UNC13C: variants seen among roughly 807,000 people sequenced by gnomAD.
UNC13C encodes unc-13 homolog C.
UNC13C carries 174 observed loss-of-function variants against 245.4 expected under a neutral mutation model. The ratio of observed to expected loss-of-function variants is 0.71; its 90% CI spans 0.63 to 0.80. The LOEUF (loss-of-function observed/expected upper bound fraction) is 0.80. UNC13C is among the 30% of genes least tolerant of loss of function. The pLI is 0.00. For synonymous variants in UNC13C, 992 were observed against 895.1 expected, an observed-to-expected ratio of 1.11 and a Z score of -1.93; for missense variants, 2,829 against 2,602.9, an observed-to-expected ratio of 1.09 and a Z score of -1.89.
Position 54,042,840 on chromosome 15 carries a change from G to T in UNC13C, c.2983+26954G>T, listed in dbSNP as rs375934657. Among the ~76,000 whole-genome samples, 3 of 151,942 alleles carry T rather than the reference G, an allele frequency of 2.0e-5. No individual in the cohort carries two copies. The South Asian group carries it at 6.2e-4, about 32-fold the overall frequency. On this transcript the variant is annotated intron_variant, in intron 2 of 32. Transcript: ENST00000260323. Reference sequence around the variant, plus strand: ...TGCACTCCAGCCTGGGTGACAGAGCGAGACTCTGTCTCAGAAAAGAAAAAG... The same window carrying T: ...TGCACTCCAGCCTGGGTGACAGAGCTAGACTCTGTCTCAGAAAAGAAAAAG...
At chr15:54,097,941 C>T (rs553210955) in intron 2 of UNC13C, among the ~76,000 whole-genome samples, 18 of 152,316 alleles carry the variant, frequency 1.2e-4, no homozygotes, top group African/African-American at 4.1e-4. Context: ...AGAGACATTT[C>T]ATGTATGCGA....
At chr15:54,285,797 G>A (rs928772226) in intron 10 of UNC13C, among the ~76,000 whole-genome samples, 11 of 150,982 alleles carry the variant, frequency 7.3e-5, no homozygotes, top group Admixed American at 3.3e-4. Flanking sequence ...TGATATATAC[G>A]CTTATAGCTT....
At chr15:54,026,425 T>C (rs1406590230) in intron 2 of UNC13C, among the ~76,000 whole-genome samples, 1 of 152,224 alleles carries the variant, frequency 6.6e-6, no homozygotes, top group Non-Finnish European at 1.5e-5. Context: ...TTCTTTCTTC[T>C]AGAAGTTAGA....
chr15:54,098,096 G>C (rs1899967538), intron 2 of UNC13C, among the ~76,000 whole-genome samples: 1 of 152,202 alleles, frequency 6.6e-6, no homozygotes, highest in Non-Finnish European at 1.5e-5. Context: ...AGAGTGGCCA[G>C]GACAGGCCAT....
At chr15:54,459,893 T>A (rs1428259503) in intron 19 of UNC13C, among the ~76,000 whole-genome samples, 2 of 152,230 alleles carry the variant, frequency 1.3e-5, no homozygotes, top group Non-Finnish European at 2.9e-5. Context: ...TTTCTTTATC[T>A]GGTAATTCAG....
intron 10 of UNC13C, among the ~76,000 whole-genome samples, chr15:54,275,093 C>T (rs1019264789): frequency 6.6e-6 from 1 of 152,108 alleles, no homozygotes; most frequent in African/African-American, 2.4e-5. Context: ...CCAATGATCA[C>T]ATTGCATAAA....
the UNC13C span, among the ~76,000 whole-genome samples, chr15:53,971,610 G>T: frequency 1.3e-5 from 2 of 152,138 alleles, no homozygotes; most frequent in Non-Finnish European, 2.9e-5. Flanking sequence ...TGGAATTTCA[G>T]TGTTATAAGA....
At chr15:53,946,970 A>G in the UNC13C span, among the ~76,000 whole-genome samples, 1 of 152,154 alleles carries the variant, frequency 6.6e-6, no homozygotes, top group Non-Finnish European at 1.5e-5. Context: ...AAAGTCATTA[A>G]CACAGAGTCT....
intron 22 of UNC13C, 93 bp from the exon 23 acceptor site, chr15:54,507,024 A>T (rs1894503524): frequency 1.3e-6 from 1 of 752,352 alleles, no homozygotes; most frequent in Non-Finnish European, 2.1e-6. Context: ...AAGATGAAAA[A>T]GACAGCAAGA....
the UNC13C span, among the ~76,000 whole-genome samples, chr15:53,862,240 C>G: frequency 1.3e-5 from 2 of 152,088 alleles, no homozygotes; most frequent in African/African-American, 4.8e-5. Flanking sequence ...TAACCAGATG[C>G]AGACAGACTT....
chr15:53,846,935 G>A, the UNC13C span, among the ~76,000 whole-genome samples: 4 of 152,074 alleles, frequency 2.6e-5, no homozygotes, highest in Non-Finnish European at 4.4e-5. Context: ...TCTGGCTTTG[G>A]AGGAGTCAAG....
rs534739856 is a variant in UNC13C at position 54,627,082 on chromosome 15, C to G, written c.6614C>G (p.Ser2205Cys). The change falls in exon 33 of 33, where the codon TCT becomes TGT. Residue 2205 changes from serine to cysteine, a missense_variant. Transcript: ENST00000260323. ...DVAKEFVRLK[S>C]ETRSTEESA ...GCTAAAGAATTTGTAAGACTTAAAT[C>G]TGAAACAAGATCTACTGAAGAGAGT... 5 of 1,612,270 alleles carry G rather than the reference C, an allele frequency of 3.1e-6. No homozygotes were observed. Among genetic ancestry groups the G allele is most frequent in the Non-Finnish European group, 4.2e-6 (5 of 1,179,112 alleles).
intron 4 of UNC13C, among the ~76,000 whole-genome samples, chr15:54,231,173 G>GA (rs2035541312): frequency 6.6e-6 from 1 of 151,986 alleles, no homozygotes; most frequent in South Asian, 2.1e-4. Flanking sequence ...GAAATACATT[G>GA]AAAAAATATC....
intron 19 of UNC13C, among the ~76,000 whole-genome samples, chr15:54,424,145 C>T (rs548541788): frequency 2.0e-5 from 3 of 151,414 alleles, no homozygotes; most frequent in African/African-American, 7.3e-5. Context: ...GCTGTCTCCT[C>T]ATTAAATCAA....
intron 4 of UNC13C, among the ~76,000 whole-genome samples, chr15:54,156,136 A>C (rs1410014298): frequency 6.6e-6 from 1 of 152,220 alleles, no homozygotes; most frequent in Non-Finnish European, 1.5e-5. Context: ...ATTTAAATTC[A>C]CAAGATTGTA....
chr15:54,248,427 G>A (rs1461868791), intron 7 of UNC13C, among the ~76,000 whole-genome samples: 1 of 152,086 alleles, frequency 6.6e-6, no homozygotes, highest in Non-Finnish European at 1.5e-5. Context: ...TTATTTTAAT[G>A]ATAGTGAAGA....
intron 14 of UNC13C, among the ~76,000 whole-genome samples, chr15:54,330,940 C>A (rs1174823450): frequency 6.6e-6 from 1 of 152,006 alleles, no homozygotes; most frequent in East Asian, 1.9e-4. Context: ...GATACTCAAA[C>A]TTTCTTATAC....
rs77156585 is a variant in UNC13C at position 54,040,694 on chromosome 15, C to T, written c.2983+24808C>T. On this transcript the variant is annotated intron_variant, in intron 2 of 32. Coordinates refer to ENST00000260323, the MANE Select transcript of UNC13C (RefSeq NM_001080534.3). ...TCTTTGGCCTGAAAATAAAGGCCTGCTGGAAGTGAGTCACAGGTGTTTGCA... is the reference window on the plus strand; with the variant it reads ...TCTTTGGCCTGAAAATAAAGGCCTGTTGGAAGTGAGTCACAGGTGTTTGCA... 2.0e-5 allele frequency among the ~76,000 whole-genome samples: 3 copies of T among 152,114 alleles called. No individual in the cohort carries two copies. In the East Asian group the frequency reaches 5.8e-4, roughly 29 times the overall value.
chr15:54,262,183 G>A (rs2036443548), intron 8 of UNC13C, among the ~76,000 whole-genome samples: 1 of 152,182 alleles, frequency 6.6e-6, no homozygotes. Flanking sequence ...ATGGTAGTTA[G>A]ATGGGCTCTT....
Sources: allele counts gnomAD v4.1 joint callset (sites outside exome capture counted in the v4.1 genomes callset), GRCh38; gene constraint gnomAD v4.1.1; transcripts MANE v1.5; gene names NCBI Gene and HGNC (gene_info 2026-07-23, HGNC 2026-07-21).